Variants in COMMD10 observed in about 807,000 individuals in gnomAD.
COMMD10 encodes COMM domain-containing protein 10.
Under a neutral mutation model 28.9 loss-of-function variants are expected in COMMD10, and 33 were observed. The observed-to-expected ratio is 1.14, with a 90% CI of 0.87 to 1.53. The LOEUF (loss-of-function observed/expected upper bound fraction) is 1.53, where lower values mean the gene tolerates loss of function less well. COMMD10 is among the 40% of genes most tolerant of loss of function. COMMD10 has a pLI of 0.00. For synonymous variants in COMMD10, 110 were observed against 81.7 expected (o/e 1.35, Z -1.87); for missense variants, 310 against 233.4 (o/e 1.33, Z -2.14).
chr5:116,256,860 G>T (rs762066086), intron 5 of COMMD10, among the ~76,000 whole-genome samples: 1 of 151,754 alleles, frequency 6.6e-6, no homozygotes, highest in Non-Finnish European at 1.5e-5. Flanking sequence ...TGGATACTCT[G>T]TGGTGTTTGG....
At chr5:116,113,907 C>CT (rs972694939) in intron 4 of COMMD10, among the ~76,000 whole-genome samples, 17 of 147,864 alleles carry the variant, frequency 1.1e-4, no homozygotes, top group South Asian at 6.6e-4. Flanking sequence ...GGAACAATTG[C>CT]TTTTTTTTTC....
intron 5 of COMMD10, among the ~76,000 whole-genome samples, chr5:116,231,267 C>A (rs1165191176): frequency 6.6e-6 from 1 of 152,142 alleles, no homozygotes; most frequent in Non-Finnish European, 1.5e-5. Flanking sequence ...CGACTACTCA[C>A]TTGGAATTTT....
chr5:116,122,067 T>G (rs187705289), intron 4 of COMMD10, among the ~76,000 whole-genome samples: 113 of 152,346 alleles, frequency 7.4e-4, no homozygotes, highest in African/African-American at 2.4e-3. Flanking sequence ...CATGCCTATG[T>G]CCTGAATGGT....
At chr5:116,287,862 C>T (rs1751259594) in intron 5 of COMMD10, among the ~76,000 whole-genome samples, 1 of 151,786 alleles carries the variant, frequency 6.6e-6, no homozygotes, top group Non-Finnish European at 1.5e-5. Flanking sequence ...CTCCACTTCT[C>T]CATTTGTTAC....
At chr5:116,161,950 T>G (rs922078301) in intron 5 of COMMD10, among the ~76,000 whole-genome samples, 1 of 152,232 alleles carries the variant, frequency 6.6e-6, no homozygotes, top group Non-Finnish European at 1.5e-5. Context: ...TACAGCATGG[T>G]CTTTTTTAAA....
At chr5:116,169,684 A>G (rs987294406) in intron 5 of COMMD10, among the ~76,000 whole-genome samples, 8 of 152,232 alleles carry the variant, frequency 5.3e-5, no homozygotes, top group African/African-American at 9.6e-5. Flanking sequence ...CTGGTTCAAC[A>G]TATGCAAATG....
intron 5 of COMMD10, among the ~76,000 whole-genome samples, chr5:116,139,443 T>A (rs1329755734): frequency 6.6e-6 from 1 of 151,728 alleles, no homozygotes; most frequent in Non-Finnish European, 1.5e-5. Flanking sequence ...TTAGGATAGA[T>A]TTCTCAGAGA....
intron 5 of COMMD10, among the ~76,000 whole-genome samples, chr5:116,245,330 C>G (rs935789606): frequency 6.6e-6 from 1 of 151,978 alleles, no homozygotes; most frequent in East Asian, 1.9e-4. Context: ...CAATATCAAG[C>G]TTGGAAATTG....
At chr5:116,153,482 G>T (rs779091395) in intron 5 of COMMD10, among the ~76,000 whole-genome samples, 1 of 152,230 alleles carries the variant, frequency 6.6e-6, no homozygotes, top group Non-Finnish European at 1.5e-5. Flanking sequence ...AGAGCACACA[G>T]TAATCATCAT....
rs573164281 is a variant in COMMD10, at chr5:116,104,006, A to C, written c.399+11306A>C. ...GGCCTCTGTTATGTTCCATTGGTCTATATGTCTGTATGGTACCAGTACTAC... is the reference window on the plus strand; with the variant it reads ...GGCCTCTGTTATGTTCCATTGGTCTCTATGTCTGTATGGTACCAGTACTAC... On this transcript the variant is annotated intron_variant, in intron 4 of 6. Coordinates refer to ENST00000274458, the MANE Select transcript of COMMD10 (RefSeq NM_016144.4). Among the ~76,000 whole-genome samples, 3 of 152,236 alleles carry C rather than the reference A, an allele frequency of 2.0e-5. No homozygotes were observed. The South Asian group carries it at 6.2e-4, about 32-fold the overall frequency.
chr5:116,139,852 C>T (rs986720451), intron 5 of COMMD10, among the ~76,000 whole-genome samples: 1 of 151,312 alleles, frequency 6.6e-6, no homozygotes, highest in Non-Finnish European at 1.5e-5. Flanking sequence ...GAAAATTAAC[C>T]CACCCATCAC....
intron 5 of COMMD10, chr5:116,255,707 G>C (rs144570853): frequency 6.6e-6 from 1 of 151,218 alleles, no homozygotes; most frequent in African/African-American, 2.4e-5. Context: ...AATAGTGTAC[G>C]TAAATGCTAA....
intron 5 of COMMD10, among the ~76,000 whole-genome samples, chr5:116,166,918 T>A (rs1413482558): frequency 6.6e-6 from 1 of 151,940 alleles, no homozygotes; most frequent in East Asian, 1.9e-4. Context: ...GGCTGAAAAT[T>A]CCCTAAACCA....
intron 5 of COMMD10, among the ~76,000 whole-genome samples, chr5:116,153,117 T>G (rs1752589753): frequency 6.6e-6 from 1 of 152,166 alleles, no homozygotes; most frequent in African/African-American, 2.4e-5. Context: ...GCTACCTAAT[T>G]CTATATATTT....
intron 5 of COMMD10, among the ~76,000 whole-genome samples, chr5:116,162,458 G>A (rs915380339): frequency 1.3e-5 from 2 of 152,308 alleles, no homozygotes; most frequent in South Asian, 2.1e-4. Context: ...CACAGAAGTT[G>A]CATAATAGCT....
chr5:116,159,921 A>G (rs892244644), intron 5 of COMMD10, among the ~76,000 whole-genome samples: 5 of 152,178 alleles, frequency 3.3e-5, no homozygotes, highest in Non-Finnish European at 7.3e-5. Context: ...TAGTTAGAAA[A>G]CATGTCATTT....
rs186491418 is a variant in COMMD10, at chr5:116,285,364, C to A, written c.511-6153C>A. On this transcript the variant is annotated intron_variant, in intron 5 of 6. Coordinates refer to ENST00000274458, the MANE Select transcript of COMMD10 (RefSeq NM_016144.4). ...AGAACATGATAATGTGGGGAGTTGG[C>A]CCTTGGCCTGCCACCCTTTCCTTTT... 5.7e-3 allele frequency among the ~76,000 whole-genome samples: 866 copies of A among 151,994 alleles called. 23 individuals are homozygous for A. The highest frequency in any genetic ancestry group is 0.02 in the African/African-American group (828 of 41,300).
intron 5 of COMMD10, among the ~76,000 whole-genome samples, chr5:116,198,689 T>C (rs2112620786): frequency 6.6e-6 from 1 of 152,270 alleles, no homozygotes; most frequent in Middle Eastern, 3.4e-3. Flanking sequence ...TTTTCAGAAG[T>C]GTCATATACC....
chr5:116,218,384 C>A, intron 5 of COMMD10: 1 of 530,470 alleles, frequency 1.9e-6, no homozygotes. Context: ...GTCGTTCTTG[C>A]CTCTTGTTCA....
Sources: allele counts gnomAD v4.1 joint callset (sites outside exome capture counted in the v4.1 genomes callset), GRCh38; gene constraint gnomAD v4.1.1; transcripts MANE v1.5; gene names NCBI Gene and HGNC (gene_info 2026-07-23, HGNC 2026-07-21).